KANSL1: variants seen among roughly 807,000 people sequenced by gnomAD.
The protein encoded by KANSL1 is KAT8 regulatory NSL complex subunit 1.
Under a neutral mutation model 103.6 loss-of-function variants are expected in KANSL1, and 22 were observed. That is an observed-to-expected ratio of 0.21 (90% CI 0.15 to 0.30). The LOEUF is 0.30. Ranked by LOEUF, KANSL1 falls within the 10% of genes least tolerant of loss-of-function variation. The probability of loss-of-function intolerance (pLI) is 1.00; values close to 1 mark genes in which losing one functional copy is unlikely to be tolerated. For synonymous variants in KANSL1, 600 were observed against 527.6 expected (o/e 1.14, Z -1.88); for missense variants, 1,337 against 1,399.8 (o/e 0.96, Z 0.72).
At chr17:46,098,382 A>C (rs1373303216) in intron 2 of KANSL1, among the ~76,000 whole-genome samples, 1 of 152,204 alleles carries the variant, frequency 6.6e-6, no homozygotes, top group Non-Finnish European at 1.5e-5. Flanking sequence ...CCAGTCAATC[A>C]TACTACTTTT....
chr17:46,177,793 TA>T (rs1193759748), intron 1 of KANSL1, among the ~76,000 whole-genome samples: 1 of 151,892 alleles, frequency 6.6e-6, no homozygotes, highest in East Asian at 1.9e-4. Context: ...TTTTTTTTTT[TA>T]AGAGATGGAG....
At chr17:46,052,497 C>T (rs1275794745) in intron 6 of KANSL1, among the ~76,000 whole-genome samples, 3 of 151,770 alleles carry the variant, frequency 2.0e-5, no homozygotes, top group African/African-American at 4.8e-5. Flanking sequence ...CTCAGCTACT[C>T]GGGAGGCTGA....
intron 2 of KANSL1, chr17:46,170,301 T>C (rs2046218304): frequency 6.5e-6 from 1 of 153,076 alleles, no homozygotes; most frequent in Non-Finnish European, 1.5e-5. Flanking sequence ...AACTAGACTG[T>C]GCTTGGAGGC....
In KANSL1 at chr17:46,209,177, T is replaced by TAAAAAAGA. The variant is rs2048079837; in HGVS notation, c.-90+14493_-90+14494insTCTTTTTT. On this transcript the variant is annotated intron_variant, in intron 1 of 14. Coordinates refer to the KANSL1 transcript ENST00000572904. ...CCAGCCTGAGTGACAAGAGCAAAACTCCATCTCAAAAAAAAAAGAAAATGC... is the reference window on the plus strand; with the variant it reads ...CCAGCCTGAGTGACAAGAGCAAAACTAAAAAAGACCATCTCAAAAAAAAAAGAAAATGC... Among the ~76,000 whole-genome samples, 22 of 151,122 alleles carry TAAAAAAGA rather than the reference T, an allele frequency of 1.5e-4. No homozygotes were observed. In the South Asian group the frequency reaches 4.6e-3, roughly 31 times the overall value.
chr17:46,163,324 C>T (rs1165005639), intron 2 of KANSL1, among the ~76,000 whole-genome samples: 1 of 152,192 alleles, frequency 6.6e-6, no homozygotes, highest in Non-Finnish European at 1.5e-5. Context: ...GCAACTCCTC[C>T]CCCATTTATA....
rs964143935 is a variant in KANSL1 at position 46,218,258 on chromosome 17, A to C, written c.-90+5413T>G. ...GCAGCCTTAGCAAACAGATGTCATA[A>C]GAAAATTCGCAGCTCAGGTTTACTA... On this transcript the variant is annotated intron_variant, in intron 1 of 14. Coordinates refer to the KANSL1 transcript ENST00000572904. 5.9e-5 allele frequency among the ~76,000 whole-genome samples: 9 copies of C among 152,386 alleles called. No individual in the cohort carries two copies. The South Asian group carries it at 1.5e-3, about 25-fold the overall frequency.
intron 4 of KANSL1, among the ~76,000 whole-genome samples, chr17:46,079,438 A>T (rs574328901): frequency 9.5e-4 from 144 of 152,348 alleles, no homozygotes; most frequent in African/African-American, 3.4e-3. Context: ...TCTATAATTG[A>T]TTAGGGCCCA....
intron 2 of KANSL1, among the ~76,000 whole-genome samples, chr17:46,120,798 T>C (rs1162191675): frequency 6.6e-6 from 1 of 152,218 alleles, no homozygotes; most frequent in African/African-American, 2.4e-5. Flanking sequence ...GTTTTGAATT[T>C]TGACAAATGT....
At chr17:46,169,321 G>C (rs576979399) in intron 2 of KANSL1, among the ~76,000 whole-genome samples, 16 of 152,308 alleles carry the variant, frequency 1.1e-4, no homozygotes, top group African/African-American at 3.9e-4. Flanking sequence ...CTTGAGCACA[G>C]TGAACTAACA....
chr17:46,051,982 A>C (rs1021822848), intron 6 of KANSL1, among the ~76,000 whole-genome samples: 2 of 152,208 alleles, frequency 1.3e-5, no homozygotes, highest in African/African-American at 4.8e-5. Flanking sequence ...GAGTGATACC[A>C]ACTAGGCATG....
At chr17:46,199,140 G>A (rs893560889) in intron 1 of KANSL1, among the ~76,000 whole-genome samples, 5 of 152,152 alleles carry the variant, frequency 3.3e-5, no homozygotes, top group African/African-American at 4.8e-5. Context: ...ATGTTCAGCC[G>A]CCACATTTTA....
At chr17:46,206,465 C>T (rs550098746) in intron 1 of KANSL1, among the ~76,000 whole-genome samples, 2 of 152,324 alleles carry the variant, frequency 1.3e-5, no homozygotes, top group East Asian at 1.9e-4. Flanking sequence ...GTAGCTGACA[C>T]CTATAATCCC....
At chr17:46,068,572 G>A (rs1189677805) in intron 4 of KANSL1, among the ~76,000 whole-genome samples, 2 of 151,716 alleles carry the variant, frequency 1.3e-5, no homozygotes, top group Admixed American at 1.3e-4. Context: ...CTGTCTCAAT[G>A]AATAAATAAA....
upstream of KANSL1, chr17:46,196,224 C>T (rs1481991792): frequency 1.2e-5 from 5 of 430,624 alleles, no homozygotes; most frequent in East Asian, 2.1e-4. Context: ...GGCAACAGAG[C>T]GAGACCATCT....
At chr17:46,085,574 C>A (rs1006449359) in intron 3 of KANSL1, among the ~76,000 whole-genome samples, 2 of 152,184 alleles carry the variant, frequency 1.3e-5, no homozygotes, top group African/African-American at 4.8e-5. Flanking sequence ...ACTGTAACCT[C>A]CCCCTCCCGG....
chr17:46,131,675 G>A (rs2043868097), intron 2 of KANSL1, among the ~76,000 whole-genome samples: 1 of 152,190 alleles, frequency 6.6e-6, no homozygotes, highest in Non-Finnish European at 1.5e-5. Flanking sequence ...AAATTTGACT[G>A]AGGAGATAGG....
chr17:46,110,006 G>A (rs538503365), intron 2 of KANSL1, among the ~76,000 whole-genome samples: 1 of 152,186 alleles, frequency 6.6e-6, no homozygotes, highest in East Asian at 1.9e-4. Context: ...TTCTGCAGTA[G>A]TGCCTTAACT....
intron 2 of KANSL1, among the ~76,000 whole-genome samples, chr17:46,136,544 T>C (rs1457316855): frequency 6.6e-6 from 1 of 152,192 alleles, no homozygotes; most frequent in Non-Finnish European, 1.5e-5. Context: ...AACGGTAACA[T>C]ACATGACATA....
intron 7 of KANSL1, among the ~76,000 whole-genome samples, chr17:46,048,178 G>A (rs573777407): frequency 6.6e-6 from 1 of 152,182 alleles, no homozygotes; most frequent in East Asian, 1.9e-4. Flanking sequence ...AAAGTGCCAG[G>A]ATTACAGGTG....
Sources: gnomAD v4.1 joint callset for allele counts (sites outside exome capture counted in the v4.1 genomes callset) on GRCh38, gnomAD v4.1.1 for gene constraint, MANE v1.5 for transcripts, NCBI Gene and HGNC (gene_info 2026-07-23, HGNC 2026-07-21) for gene names.